FAT3: variants seen among roughly 807,000 people sequenced by gnomAD.
FAT3 encodes the protein protocadherin Fat 3.
A neutral mutation model predicts 310.2 loss-of-function variants in FAT3; 95 were observed. That is an observed-to-expected ratio of 0.31 (90% confidence interval 0.26 to 0.36). FAT3 has a LOEUF of 0.36. Among genes scored for constraint, FAT3 ranks in the 10% least tolerant of loss-of-function variants. The pLI is 1.00. For missense variants in FAT3, 5,408 were observed against 5,715.6 expected (o/e 0.95, Z 1.74); for synonymous variants, 2,314 against 2,192.9 (o/e 1.06, Z -1.54).
At chr11:92,659,526 T>A (rs1942700324) in intron 3 of FAT3, among the ~76,000 whole-genome samples, 2 of 152,212 alleles carry the variant, frequency 1.3e-5, no homozygotes, top group Admixed American at 1.3e-4. Flanking sequence ...AATATTATCT[T>A]ACACCTTTTC....
chr11:92,379,326 A>C (rs184715458), intron 2 of FAT3, among the ~76,000 whole-genome samples: 197 of 152,338 alleles, frequency 1.3e-3, no homozygotes, highest in African/African-American at 4.4e-3. Context: ...AAAGCATTAA[A>C]GTGTCAAACA....
chr11:92,461,490 A>C (rs998207230), intron 2 of FAT3, among the ~76,000 whole-genome samples: 1 of 152,214 alleles, frequency 6.6e-6, no homozygotes, highest in Non-Finnish European at 1.5e-5. Flanking sequence ...AATGAACATC[A>C]TAATGTTGAA....
chr11:92,255,893 G>A (rs1865297781), intron 1 of FAT3, among the ~76,000 whole-genome samples: 1 of 152,124 alleles, frequency 6.6e-6, no homozygotes, highest in Admixed American at 6.6e-5. Context: ...TGACAAAGAT[G>A]TCAGGAGTGG....
At position 92,725,900 on chromosome 11, in the gene FAT3, C is replaced by A. The variant is rs531014526; in HGVS notation, c.3669+28455C>A. ...TTTCCATGTCTCCATTATCCCTCTA[C>A]AAGTAGACAGTTTATTTTTTTTTAG... On this transcript the variant is annotated intron_variant, in intron 4 of 27. Transcript: ENST00000525166. 7.2e-5 allele frequency among the ~76,000 whole-genome samples: 11 copies of A among 152,190 alleles called. No homozygotes were observed. The East Asian group carries it at 1.9e-3, about 27-fold the overall frequency.
intron 2 of FAT3, among the ~76,000 whole-genome samples, chr11:92,376,194 G>A (rs1949339192): frequency 6.6e-6 from 1 of 152,162 alleles, no homozygotes; most frequent in Non-Finnish European, 1.5e-5. Flanking sequence ...TGAGTACTGG[G>A]ATGTGGCAAA....
intron 4 of FAT3, among the ~76,000 whole-genome samples, chr11:92,757,123 C>T (rs1340598151): frequency 6.6e-6 from 1 of 151,936 alleles, no homozygotes; most frequent in Non-Finnish European, 1.5e-5. Flanking sequence ...AGGGTTTCTC[C>T]ATGTTGGTCA....
chr11:92,875,738 C>A (rs116475150), intron 22 of FAT3, among the ~76,000 whole-genome samples: 2,012 of 152,234 alleles, frequency 0.013, 53 homozygotes, highest in African/African-American at 0.045. Context: ...ACCAGCCACA[C>A]CACCATCTAT....
At chr11:92,719,628 T>C (rs1214855700) in intron 4 of FAT3, among the ~76,000 whole-genome samples, 1 of 152,056 alleles carries the variant, frequency 6.6e-6, no homozygotes, top group Non-Finnish European at 1.5e-5. Flanking sequence ...ACATACATGT[T>C]CAGTACAGAT....
intron 2 of FAT3, among the ~76,000 whole-genome samples, chr11:92,441,018 C>T (rs1951053859): frequency 6.6e-6 from 1 of 152,162 alleles, no homozygotes; most frequent in African/African-American, 2.4e-5. Context: ...TGACATGACT[C>T]CTGTCTCACT....
intron 3 of FAT3, among the ~76,000 whole-genome samples, chr11:92,541,652 G>A (rs1284561492): frequency 2.0e-5 from 3 of 152,056 alleles, no homozygotes; most frequent in African/African-American, 7.2e-5. Flanking sequence ...TCAAGTTTGT[G>A]CCAGGTCTTA....
chr11:92,801,715 C>T lies in FAT3; in HGVS notation c.8702C>T (p.Ala2901Val), dbSNP rs1204963563. 1.2e-6 allele frequency: 2 copies of T among 1,613,828 alleles called. No individual in the cohort carries two copies. Among genetic ancestry groups the T allele is most frequent in the Non-Finnish European group, 1.7e-6 (2 of 1,179,862 alleles). The change falls in exon 10 of 28, where the codon GCA (alanine) becomes GTA (valine). Residue 2901 changes from alanine to valine, a missense_variant. Physicochemically the swap from Ala to Val is moderately conservative, Grantham distance 64. Coordinates refer to ENST00000525166, the MANE Select transcript of FAT3 (RefSeq NM_001367949.2). ...FSVVASDLGE[A>V]FSLSSTALVS... Reference sequence around the variant, plus strand: ...GTGGTGGCCTCTGACCTTGGAGAGGCATTCTCTCTTTCCTCCACGGCCTTG... The same window carrying T: ...GTGGTGGCCTCTGACCTTGGAGAGGTATTCTCTCTTTCCTCCACGGCCTTG...
intron 2 of FAT3, among the ~76,000 whole-genome samples, chr11:92,384,989 A>G (rs1196795742): frequency 6.6e-6 from 1 of 152,208 alleles, no homozygotes; most frequent in Non-Finnish European, 1.5e-5. Context: ...TCCGCAGACA[A>G]CCAAAAGAAA....
At position 92,850,286 on chromosome 11, in the gene FAT3, C is replaced by T. The variant is rs772095074; in HGVS notation, c.11365+5554C>T. Among the ~76,000 whole-genome samples, 149 of 152,270 alleles carry T rather than the reference C, an allele frequency of 9.8e-4. 1 individual carries two copies. The Middle Eastern group carries it at 0.017, about 17-fold the overall frequency. ...CTCGGCAGATCCCTCATCTCCAGTA[C>T]GCATGAGTCCCACATTGCCAGGAGA... On this transcript the variant is annotated intron_variant, in intron 19 of 27. Transcript: ENST00000525166.
intron 2 of FAT3, among the ~76,000 whole-genome samples, chr11:92,514,208 C>T (rs993881766): frequency 1.3e-5 from 2 of 152,144 alleles, no homozygotes; most frequent in African/African-American, 2.4e-5. Context: ...AACAAACATA[C>T]AAATAAATAA....
At chr11:92,867,269 G>C in intron 22 of FAT3, 60 bp downstream of exon 22, 2 of 1,450,640 alleles carry the variant, frequency 1.4e-6, no homozygotes, top group East Asian at 2.5e-5. Context: ...TGAATGAACT[G>C]CAGGGGGATC....
chr11:92,857,553 A>G (rs985813753), intron 20 of FAT3, among the ~76,000 whole-genome samples: 40 of 152,354 alleles, frequency 2.6e-4, no homozygotes, highest in Non-Finnish European at 4.4e-4. Flanking sequence ...GAGCATGTAA[A>G]GACTATGGGC....
chr11:92,828,008 T>C (rs1948143767), intron 13 of FAT3, among the ~76,000 whole-genome samples: 1 of 152,140 alleles, frequency 6.6e-6, no homozygotes, highest in Non-Finnish European at 1.5e-5. Flanking sequence ...AGAAGAGAAT[T>C]ACATAGTTAA....
chr11:92,289,117 C>CT (rs1946628294), intron 1 of FAT3, among the ~76,000 whole-genome samples: 1 of 152,004 alleles, frequency 6.6e-6, no homozygotes, highest in Non-Finnish European at 1.5e-5. Flanking sequence ...ATAAATATCC[C>CT]TTTTTTGGCT....
intron 1 of FAT3, among the ~76,000 whole-genome samples, chr11:92,287,158 A>T (rs1946580265): frequency 6.6e-6 from 1 of 152,158 alleles, no homozygotes; most frequent in African/African-American, 2.4e-5. Context: ...TTTATTTTTA[A>T]TGAGAAGAAC....
Sources: gnomAD v4.1 joint callset for allele counts (sites outside exome capture counted in the v4.1 genomes callset) on GRCh38, gnomAD v4.1.1 for gene constraint, MANE v1.5 for transcripts, NCBI Gene and HGNC (gene_info 2026-07-23, HGNC 2026-07-21) for gene names.